Variants in KIF5C observed in about 807,000 individuals in gnomAD.
The protein encoded by KIF5C is kinesin family member 5C, also known as kinesin heavy chain isoform 5C.
Under a neutral mutation model 125.2 loss-of-function variants are expected in KIF5C, and 18 were observed. The observed-to-expected ratio is 0.14, with a 90% CI of 0.10 to 0.21. KIF5C has a LOEUF of 0.21. KIF5C is among the 10% of genes least tolerant of loss of function. The pLI is 1.00. For missense variants in KIF5C, 780 were observed against 1,183.8 expected, an observed-to-expected ratio of 0.66 and a Z score of 5.01; for synonymous variants, 405 against 434.0, an observed-to-expected ratio of 0.93 and a Z score of 0.83.
intron 8 of KIF5C, among the ~76,000 whole-genome samples, chr2:148,949,033 G>C (rs1682593264): frequency 6.6e-6 from 1 of 152,130 alleles, no homozygotes; most frequent in Non-Finnish European, 1.5e-5. Context: ...GTTGAACATT[G>C]CTTCCCCACT....
At chr2:148,875,974 T>TG (rs1192477532) in intron 1 of KIF5C, among the ~76,000 whole-genome samples, 2 of 95,352 alleles carry the variant, frequency 2.1e-5, no homozygotes, top group South Asian at 7.1e-4. Context: ...GGGGTGGGGA[T>TG]GGGGGGCGAA....
chr2:148,955,394 A>G (rs1682769041), intron 10 of KIF5C, among the ~76,000 whole-genome samples: 1 of 152,174 alleles, frequency 6.6e-6, no homozygotes, highest in Admixed American at 6.5e-5. Context: ...AAGGGCGAGC[A>G]TCATCCACTC....
intron 18 of KIF5C, 168 bp from the exon 19 acceptor site, chr2:148,998,232 A>G (rs1051995894): frequency 8.7e-7 from 1 of 1,151,304 alleles, no homozygotes; most frequent in Non-Finnish European, 1.2e-6. Context: ...TGTTATCCCA[A>G]TAAAGCAAGG....
At position 148,991,064 on chromosome 2, in the gene KIF5C, A is replaced by G. The variant is rs573212266; in HGVS notation, c.1771A>G (p.Ile591Val). 2.5e-6 allele frequency: 4 copies of G among 1,613,734 alleles called. No homozygotes were observed. The Middle Eastern group carries it at 4.9e-4, about 199-fold the overall frequency. The change falls in exon 16 of 26, where the codon ATC (isoleucine) becomes GTC (valine). Residue 591 changes from isoleucine to valine, a missense_variant. Physicochemically the swap from Ile to Val is conservative, Grantham distance 29. Around this residue, in one of 2 missense-constraint regions of KIF5C, gnomAD observed 573 missense variants for 742.6 expected, o/e 0.77. Transcript: ENST00000435030. ...EEEFTMARLY[I>V]SKMKSEVKSL... ...GGAGTTTACCATGGCCCGCCTGTAC[A>G]TCAGCAAGATGAAGTCAGAGGTCAA...
intron 10 of KIF5C, among the ~76,000 whole-genome samples, chr2:148,955,852 G>C (rs1682778866): frequency 6.6e-6 from 1 of 152,116 alleles, no homozygotes. Flanking sequence ...GTGTGAGGTT[G>C]TCTAGAGCTC....
chr2:148,913,747 G>T (rs1462014519), intron 1 of KIF5C, among the ~76,000 whole-genome samples: 2 of 152,196 alleles, frequency 1.3e-5, no homozygotes, highest in Admixed American at 1.3e-4. Flanking sequence ...GCCCCACCAG[G>T]GCGGTGTACC....
At chr2:148,932,845 T>C (rs1182058937) in intron 3 of KIF5C, among the ~76,000 whole-genome samples, 1 of 152,158 alleles carries the variant, frequency 6.6e-6, no homozygotes, top group African/African-American at 2.4e-5. Context: ...TTCAGGAAAC[T>C]CTGCCCTGCT....
At chr2:148,916,183 C>T (rs542971805) in intron 1 of KIF5C, among the ~76,000 whole-genome samples, 1 of 152,146 alleles carries the variant, frequency 6.6e-6, no homozygotes, top group African/African-American at 2.4e-5. Context: ...TAGTCAGGCC[C>T]CTGACAGCAT....
intron 1 of KIF5C, among the ~76,000 whole-genome samples, chr2:148,898,373 G>A (rs774611239): frequency 6.6e-6 from 1 of 152,220 alleles, no homozygotes; most frequent in Non-Finnish European, 1.5e-5. Context: ...TTCCTCTGTA[G>A]TAGGCAGAAT....
chr2:148,929,202 G>C, intron 2 of KIF5C, 79 bp from the exon 3 acceptor site: 1 of 825,100 alleles, frequency 1.2e-6, no homozygotes, highest in Non-Finnish European at 1.9e-6. Context: ...TTTGGAAAAT[G>C]TAATTTTAAA....
At chr2:148,972,556 A>G (rs1680946238) in intron 11 of KIF5C, among the ~76,000 whole-genome samples, 1 of 152,222 alleles carries the variant, frequency 6.6e-6, no homozygotes, top group Non-Finnish European at 1.5e-5. Flanking sequence ...ATTTCTATCA[A>G]TTTGATTGAC....
At chr2:148,923,140 G>A (rs1008831653) in intron 2 of KIF5C, among the ~76,000 whole-genome samples, 1 of 152,150 alleles carries the variant, frequency 6.6e-6, no homozygotes, top group African/African-American at 2.4e-5. Context: ...GGCAGCTCTG[G>A]ATTTAATAAG....
intron 25 of KIF5C, among the ~76,000 whole-genome samples, chr2:149,021,735 T>TTTA (rs1553473202): frequency 6.8e-6 from 1 of 146,550 alleles, no homozygotes; most frequent in African/African-American, 2.6e-5. Context: ...TTTTTTTTTT[T>TTTA]AATCAAAAGA....
intron 21 of KIF5C, among the ~76,000 whole-genome samples, chr2:149,002,934 C>T (rs1013067835): frequency 3.3e-5 from 5 of 152,212 alleles, no homozygotes; most frequent in African/African-American, 7.2e-5. Flanking sequence ...ACTAGCTCCT[C>T]CCGTCTCCCT....
chr2:148,933,322 G>A (rs1682217758), intron 3 of KIF5C, among the ~76,000 whole-genome samples: 2 of 152,086 alleles, frequency 1.3e-5, no homozygotes, highest in South Asian at 4.1e-4. Flanking sequence ...CTTACTGCCC[G>A]AGGCAACTGT....
chr2:148,970,546 A>G (rs1003857240), intron 11 of KIF5C, among the ~76,000 whole-genome samples: 11 of 152,348 alleles, frequency 7.2e-5, no homozygotes, highest in African/African-American at 2.6e-4. Context: ...TGGCTTTAGC[A>G]TCCTGCCATA....
rs375819301 is a variant in KIF5C, at chr2:148,937,346, C to T, written c.354C>T (p.Asp118=). The change falls in exon 4 of 26, where the codon GAC becomes GAT. Residue 118 remains aspartate (D), a synonymous_variant. Coordinates refer to ENST00000435030, the MANE Select transcript of KIF5C (RefSeq NM_004522.3). ...CACGAATTGCCCATGATATCTTTGA[C>T]CATATCTACTCCATGGATGAGAACC... ...IIPRIAHDIF[D]HIYSMDENLE... 3.6e-5 allele frequency: 57 copies of T among 1,601,782 alleles called. No individual in the cohort carries two copies. In the African/African-American group the frequency reaches 7.0e-4, roughly 20 times the overall value.
intron 15 of KIF5C, 78 bp downstream of exon 15, chr2:148,983,844 T>G: frequency 6.9e-7 from 1 of 1,443,006 alleles, no homozygotes; most frequent in Non-Finnish European, 9.2e-7. Flanking sequence ...TTTTAAGCAT[T>G]CAATGCTTAG....
intron 25 of KIF5C, among the ~76,000 whole-genome samples, chr2:149,014,639 T>C (rs1682307120): frequency 6.6e-6 from 1 of 152,220 alleles, no homozygotes; most frequent in Admixed American, 6.5e-5. Flanking sequence ...TCATTGGCAT[T>C]GACAGAAGGC....
Sources: allele counts gnomAD v4.1 joint callset (sites outside exome capture counted in the v4.1 genomes callset), GRCh38; gene constraint gnomAD v4.1.1; regional missense constraint gnomAD v4.1.1; transcripts MANE v1.5; gene names NCBI Gene and HGNC (gene_info 2026-07-23, HGNC 2026-07-21).